TSC2: variants seen among roughly 807,000 people sequenced by gnomAD.
The protein encoded by TSC2 is TSC complex subunit 2.
In TSC2, 29 loss-of-function variants were observed where a neutral mutation model predicts 202.2. That is an observed-to-expected ratio of 0.14 (90% CI 0.11 to 0.20). The LOEUF is 0.20. Ranked by LOEUF, TSC2 falls within the 10% of genes least tolerant of loss-of-function variation. The probability of loss-of-function intolerance (pLI) is 1.00; values close to 1 mark genes in which losing one functional copy is unlikely to be tolerated. For missense variants in TSC2, 2,429 were observed against 2,420.0 expected (o/e 1.00, Z -0.08); for synonymous variants, 1,349 against 1,044.0 (o/e 1.29, Z -5.63).
chr16:2,050,556 A>T, intron 3 of TSC2, 70 bp downstream of exon 3: 1 of 1,291,240 alleles, frequency 7.7e-7, no homozygotes, highest in Non-Finnish European at 1.1e-6. Flanking sequence ...TGCTTTTTTT[A>T]GGAACATGGT....
intron 24 of TSC2, 68 bp downstream of exon 24, chr16:2,076,238 A>G (rs1297878599): frequency 8.1e-6 from 13 of 1,604,050 alleles, no homozygotes; most frequent in East Asian, 6.7e-5. Flanking sequence ...TTGGCTGTCC[A>G]TGGTCGGGCA....
At position 2,050,598 on chromosome 16, in the gene TSC2, C is replaced by CTTT. The variant is rs554452830; in HGVS notation, c.225+131_225+133dup. 1.4e-3 allele frequency: 681 copies of CTTT among 474,998 alleles called. 4 individuals carry two copies. Among genetic ancestry groups the CTTT allele is most frequent in the Middle Eastern group, 1.9e-3 (4 of 2,132 alleles). 29.4% of individuals were successfully genotyped at this position (474,998 alleles called of 1,614,324 possible). On this transcript the variant is annotated intron_variant, in intron 3 of 41. Transcript: ENST00000219476. ...CTGACTGCCGATGATCTGGTTTGCA[C>CTTT]TTTTTTTTTTTTTTTTTTTTTGAGA...
chr16:2,057,281 C>A, intron 9 of TSC2, 103 bp downstream of exon 9: 2 of 1,382,596 alleles, frequency 1.4e-6, no homozygotes, highest in Non-Finnish European at 2.0e-6. Flanking sequence ...GAGTCCTTGT[C>A]CTCTCGGGCA....
In TSC2 at chr16:2,058,835, A is replaced by G. The variant is rs2086239979; in HGVS notation, c.937A>G (p.Arg313Gly). The G allele has an allele frequency of 6.2e-7, 1 of 1,606,682 alleles. No individual in the cohort carries two copies. Among genetic ancestry groups the G allele is most frequent in the Non-Finnish European group, 8.5e-7 (1 of 1,176,614 alleles). ...GGGAGCCCACCGGCTCTATTCTCTC[A>G]GGAACTCGCCGACATCTGTGTTGCC... is the stretch of plus-strand genomic sequence containing the variant. ...LWGAHRLYSL[R>G]NSPTSVLPSF... Residue 313 changes from arginine to glycine, a missense_variant, in exon 10 of 42, where the codon AGG becomes GGG. Physicochemically the swap from Arg to Gly is moderately radical, Grantham distance 125. Coordinates refer to ENST00000219476, the MANE Select transcript of TSC2 (RefSeq NM_000548.5).
At position 2,050,392 on chromosome 16, in the gene TSC2, C is replaced by T. The variant is rs1382083945; in HGVS notation, c.139-8C>T. 3 of 1,613,630 alleles carry T rather than the reference C, an allele frequency of 1.9e-6. No homozygotes were observed. Among genetic ancestry groups the T allele is most frequent in the African/African-American group, 2.7e-5 (2 of 74,896 alleles). ...CTGGCCCCTTTTTCTTCTTTCATCT[C>T]TCTCCAGGAACTGAGCATGGAATGT... On this transcript the variant is annotated splice_polypyrimidine_tract_variant and splice_region_variant and intron_variant, in intron 2 of 41. Transcript: ENST00000219476.
In TSC2 at chr16:2,065,511, C is replaced by T. The variant is rs1555503101; in HGVS notation, c.1600-8C>T. Reference sequence around the variant, plus strand: ...GCCTGTGTGTAAGTCCTGGCCTTCTCTTCAAAGGTGATGGCCCGCTCCCTC... The same window carrying T: ...GCCTGTGTGTAAGTCCTGGCCTTCTTTTCAAAGGTGATGGCCCGCTCCCTC... On this transcript the variant is annotated splice_region_variant and splice_polypyrimidine_tract_variant and intron_variant, in intron 15 of 41. Transcript: ENST00000219476. 1 of 1,600,778 alleles carries T rather than the reference C, an allele frequency of 6.2e-7. No individual in the cohort carries two copies. The highest frequency in any genetic ancestry group is 2.3e-5 in the East Asian group (1 of 44,006).
intron 1 of TSC2, chr16:2,048,323 G>T (rs1267132016): frequency 2.1e-6 from 2 of 960,598 alleles, no homozygotes; most frequent in East Asian, 5.2e-5. Context: ...CGCGGCGGCA[G>T]TCCTAACCCG....
chr16:2,063,135 C>T (rs1269950132), intron 14 of TSC2, 82 bp downstream of exon 14: 6 of 1,492,538 alleles, frequency 4.0e-6, no homozygotes, highest in Non-Finnish European at 5.5e-6. Flanking sequence ...CGTGCTCCCG[C>T]AGAGCCGGGC....
intron 21 of TSC2, among the ~76,000 whole-genome samples, chr16:2,073,836 C>G (rs1260847471): frequency 6.6e-6 from 1 of 152,282 alleles, no homozygotes; most frequent in Non-Finnish European, 1.5e-5. Context: ...CTCCGCTCAT[C>G]TTCTGCTGTC....
At chr16:2,061,817 C>A in intron 11 of TSC2, 54 bp from the exon 12 acceptor site, 1 of 1,613,536 alleles carries the variant, frequency 6.2e-7, no homozygotes, top group Non-Finnish European at 8.5e-7. Context: ...CCTCTGGTGC[C>A]AAGTCCATGT....
At chr16:2,082,141 G>A (rs911827780) in intron 31 of TSC2, 22 of 591,104 alleles carry the variant, frequency 3.7e-5, no homozygotes, top group Middle Eastern at 4.5e-4. Context: ...GCCCGCCTGC[G>A]CACTCTGGGC....
chr16:2,080,979 C>A (rs927128045), intron 30 of TSC2: 57 of 171,614 alleles, frequency 3.3e-4, no homozygotes, highest in Non-Finnish European at 6.4e-5. Flanking sequence ...CCTTGGCATG[C>A]AGTTGGTTTT....
chr16:2,084,876 T>G, intron 34 of TSC2, 75 bp from the exon 35 acceptor site: 1 of 1,605,642 alleles, frequency 6.2e-7, no homozygotes, highest in South Asian at 1.1e-5. Context: ...GGCCAGGCTC[T>G]GTGTTCCTCC....
At chr16:2,063,174 C>A in intron 14 of TSC2, 121 bp downstream of exon 14, 12 of 1,192,452 alleles carry the variant, frequency 1.0e-5, no homozygotes, top group Non-Finnish European at 1.4e-5. Context: ...CCTGCCGGAC[C>A]CTCTGCAGCC....
chr16:2,088,041 TC>T lies in TSC2; in HGVS notation c.5069-3del. 6.2e-7 allele frequency: 1 copy of T among 1,611,996 alleles called. No individual in the cohort carries two copies. Among genetic ancestry groups the T allele is most frequent in the Non-Finnish European group, 8.5e-7 (1 of 1,179,840 alleles). ...CTGGGCCTGGCGTGACCACCAAGTC[TC>T]CCCAGACATGGAGGGCCTTGTGGAC... On this transcript the variant is annotated splice_region_variant and splice_polypyrimidine_tract_variant and intron_variant, in intron 39 of 41. Coordinates refer to ENST00000219476, the MANE Select transcript of TSC2 (RefSeq NM_000548.5).
chr16:2,083,628 G>A (rs755298468), intron 32 of TSC2, 67 bp from the exon 33 acceptor site: 319 of 1,548,358 alleles, frequency 2.1e-4, no homozygotes, highest in Non-Finnish European at 2.6e-4. Flanking sequence ...GCTGGTTCTC[G>A]GAGGCCACGT....
At chr16:2,083,649 G>A (rs1186668721) in intron 32 of TSC2, 46 bp from the exon 33 acceptor site, 2 of 1,556,108 alleles carry the variant, frequency 1.3e-6, no homozygotes, top group Non-Finnish European at 1.7e-6. Context: ...CAGGGCCAGG[G>A]CCTGGCCCAG....
intron 8 of TSC2, 74 bp downstream of exon 8, chr16:2,056,843 G>A (rs2151083682): frequency 6.3e-7 from 1 of 1,596,506 alleles, no homozygotes; most frequent in Admixed American, 1.7e-5. Context: ...TGTCTCCCAT[G>A]AATGGTTGTC....
intron 13 of TSC2, 29 bp downstream of exon 13, chr16:2,062,629 C>G: frequency 6.3e-7 from 1 of 1,576,794 alleles, no homozygotes; most frequent in African/African-American, 1.3e-5. Flanking sequence ...CCTTGCCTGG[C>G]ACCTGGAGCC....
Sources: gnomAD v4.1 joint callset for allele counts (sites outside exome capture counted in the v4.1 genomes callset) on GRCh38, gnomAD v4.1.1 for gene constraint, MANE v1.5 for transcripts, NCBI Gene and HGNC (gene_info 2026-07-23, HGNC 2026-07-21) for gene names.